The following HDAC9 variants were observed in gnomAD, a reference collection of about 807,000 sequenced individuals.
HDAC9 encodes the protein histone deacetylase 9.
A neutral mutation model predicts 139.4 loss-of-function variants in HDAC9; 41 were observed. The ratio of observed to expected loss-of-function variants is 0.29; its 90% CI spans 0.23 to 0.38. The LOEUF (loss-of-function observed/expected upper bound fraction) is 0.38. Ranked by LOEUF, HDAC9 falls within the 10% of genes least tolerant of loss-of-function variation. The pLI is 1.00. For synonymous variants in HDAC9, 517 were observed against 476.2 expected, an observed-to-expected ratio of 1.09 and a Z score of -1.12; for missense variants, 1,147 against 1,297.0, an observed-to-expected ratio of 0.88 and a Z score of 1.78.
intron 2 of HDAC9, among the ~76,000 whole-genome samples, chr7:18,569,845 C>T (rs1213377389): frequency 2.0e-5 from 3 of 151,944 alleles, no homozygotes; most frequent in Non-Finnish European, 4.4e-5. Flanking sequence ...TTTTATAATG[C>T]ACAGGGAACC....
chr7:18,398,253 A>G (rs758166584), intron 1 of HDAC9, among the ~76,000 whole-genome samples: 2 of 152,214 alleles, frequency 1.3e-5, no homozygotes, highest in African/African-American at 4.8e-5. Flanking sequence ...TCAGAAAAAC[A>G]TAGACTAGCA....
chr7:18,178,957 A>T (rs971792350), intron 2 of HDAC9, among the ~76,000 whole-genome samples: 1 of 152,202 alleles, frequency 6.6e-6, no homozygotes, highest in Non-Finnish European at 1.5e-5. Context: ...TTAGGATCTT[A>T]AACTTTCTGT....
intron 17 of HDAC9, among the ~76,000 whole-genome samples, chr7:18,822,633 G>A (rs1277539819): frequency 7.2e-5 from 11 of 152,146 alleles, no homozygotes; most frequent in African/African-American, 2.4e-4. Flanking sequence ...GATTACAGGC[G>A]TGAGCCAGCA....
intron 21 of HDAC9, among the ~76,000 whole-genome samples, chr7:18,853,276 A>T (rs968781365): frequency 1.3e-5 from 2 of 152,196 alleles, no homozygotes; most frequent in African/African-American, 4.8e-5. Flanking sequence ...GATTATATTT[A>T]TTAAAACAAA....
rs181861543 is a variant in HDAC9 at position 19,001,102 on chromosome 7, T to C, written c.*5040T>C. On this transcript the variant is annotated 3_prime_UTR_variant, in exon 26 of 26. Transcript: ENST00000686413. ...ACTAATGCAGAATTATTCTTTTTGTTTCAAACATAGTTTGCCATCATCTGG... is the reference window on the plus strand; with the variant it reads ...ACTAATGCAGAATTATTCTTTTTGTCTCAAACATAGTTTGCCATCATCTGG... 6.6e-6 allele frequency: 1 copy of C among 152,334 alleles called. No homozygotes were observed. Among genetic ancestry groups the C allele is most frequent in the East Asian group, 1.9e-4 (1 of 5,186 alleles). 9.4% of individuals were successfully genotyped at this position (152,334 alleles called of 1,614,324 possible). A position where few individuals can be genotyped will look rare whatever the true frequency, so the allele number is the denominator to read the frequency against.
chr7:18,952,687 TAA>T (rs538519253), intron 23 of HDAC9, among the ~76,000 whole-genome samples: 135 of 152,150 alleles, frequency 8.9e-4, no homozygotes, highest in African/African-American at 3.1e-3. Flanking sequence ...TCCTCTGAGT[TAA>T]GAGAGTGTTA....
rs1796223930 is a variant in HDAC9 at position 18,836,176 on chromosome 7, A to G, written c.2684+179A>G. Reference sequence around the variant, plus strand: ...GACCTGGTTTTGATTATACAGGTATATTGGCCAATGGCCCATTTTCCCCCT... The same window carrying G: ...GACCTGGTTTTGATTATACAGGTATGTTGGCCAATGGCCCATTTTCCCCCT... On this transcript the variant is annotated intron_variant, in intron 21 of 25. Transcript: ENST00000686413. 2.0e-5 allele frequency among the ~76,000 whole-genome samples: 3 copies of G among 152,204 alleles called. No individual in the cohort carries two copies. The South Asian group carries it at 6.2e-4, about 31-fold the overall frequency.
At chr7:18,809,195 T>G (rs1202545083) in intron 17 of HDAC9, among the ~76,000 whole-genome samples, 4 of 151,996 alleles carry the variant, frequency 2.6e-5, no homozygotes, top group Admixed American at 1.3e-4. Flanking sequence ...TAACTCAAAA[T>G]CTATTAAAAT....
chr7:18,185,169 C>T (rs1584518815), intron 2 of HDAC9, among the ~76,000 whole-genome samples: 1 of 152,120 alleles, frequency 6.6e-6, no homozygotes, highest in East Asian at 1.9e-4. Flanking sequence ...AGACAGTGAT[C>T]GAGGCAAAAA....
At chr7:18,958,524 T>C (rs1783314068) in intron 24 of HDAC9, among the ~76,000 whole-genome samples, 1 of 152,174 alleles carries the variant, frequency 6.6e-6, no homozygotes, top group Non-Finnish European at 1.5e-5. Flanking sequence ...AAGTAGAATA[T>C]TATTCAGACC....
chr7:18,282,979 C>G (rs552241520), intron 2 of HDAC9, among the ~76,000 whole-genome samples: 2 of 150,312 alleles, frequency 1.3e-5, no homozygotes, highest in African/African-American at 4.9e-5. Context: ...CTTGAAATTT[C>G]TATCTCAATT....
At chr7:18,238,938 C>T (rs1325067302) in intron 2 of HDAC9, among the ~76,000 whole-genome samples, 1 of 152,194 alleles carries the variant, frequency 6.6e-6, no homozygotes, top group Non-Finnish European at 1.5e-5. Flanking sequence ...TTGCCTTAGG[C>T]ACTCAGCTTC....
intron 1 of HDAC9, among the ~76,000 whole-genome samples, chr7:18,382,753 T>C (rs1463008006): frequency 6.6e-6 from 1 of 152,224 alleles, no homozygotes; most frequent in Non-Finnish European, 1.5e-5. Context: ...CATATAAAAG[T>C]AATAATTTTA....
At chr7:18,978,643 T>G (rs939657585) in intron 25 of HDAC9, among the ~76,000 whole-genome samples, 2 of 152,168 alleles carry the variant, frequency 1.3e-5, no homozygotes, top group African/African-American at 4.8e-5. Flanking sequence ...CAAAGAAAAT[T>G]AAATATATAC....
In HDAC9 at chr7:18,103,571, G is replaced by T. The variant is rs1313943512; in HGVS notation, c.-97+16358G>T. ...GAAGCAGAGTTGCCATAACAGCTTGGAGTCTTGTCTAACTAAGCCACTGTT... is the reference window on the plus strand; with the variant it reads ...GAAGCAGAGTTGCCATAACAGCTTGTAGTCTTGTCTAACTAAGCCACTGTT... On this transcript the variant is annotated intron_variant, in intron 1 of 12. Coordinates refer to the HDAC9 transcript ENST00000417496. Among the ~76,000 whole-genome samples the T allele has an allele frequency of 2.6e-5, 4 of 152,056 alleles. No individual in the cohort carries two copies. The East Asian group carries it at 7.7e-4, about 29-fold the overall frequency.
chr7:18,119,620 G>C (rs374099457), intron 1 of HDAC9, among the ~76,000 whole-genome samples: 8 of 152,266 alleles, frequency 5.3e-5, no homozygotes, highest in African/African-American at 1.9e-4. Flanking sequence ...GATTTAATGG[G>C]AAAACACACT....
At chr7:18,229,805 G>A (rs1793328585) in intron 2 of HDAC9, among the ~76,000 whole-genome samples, 1 of 152,052 alleles carries the variant, frequency 6.6e-6, no homozygotes, top group African/African-American at 2.4e-5. Flanking sequence ...ATCATGGAAA[G>A]CATGATTCAA....
At chr7:18,250,201 A>T (rs762274866) in intron 2 of HDAC9, among the ~76,000 whole-genome samples, 1 of 152,228 alleles carries the variant, frequency 6.6e-6, no homozygotes, top group African/African-American at 2.4e-5. Context: ...CCCATGTAAG[A>T]TAGATGAAGC....
intron 2 of HDAC9, among the ~76,000 whole-genome samples, chr7:18,216,947 C>CT (rs951080424): frequency 1.4e-4 from 21 of 151,806 alleles, no homozygotes; most frequent in Admixed American, 1.1e-3. Context: ...GAGGAAGGGA[C>CT]TTTTTTTTAA....
Sources: gnomAD v4.1 joint callset for allele counts (sites outside exome capture counted in the v4.1 genomes callset) on GRCh38, gnomAD v4.1.1 for gene constraint, MANE v1.5 for transcripts, NCBI Gene and HGNC (gene_info 2026-07-23, HGNC 2026-07-21) for gene names.